The following WSB1 variants were observed in gnomAD, a reference collection of about 807,000 sequenced individuals.
WSB1 encodes WD repeat and SOCS box containing 1, also known as WD repeat and SOCS box-containing protein 1.
Under a neutral mutation model 50.2 loss-of-function variants are expected in WSB1, and 23 were observed. That is an observed-to-expected ratio of 0.46 (90% confidence interval 0.33 to 0.65). The LOEUF (loss-of-function observed/expected upper bound fraction) is 0.65, where lower values mean the gene tolerates loss of function less well. WSB1 is among the 30% of genes least tolerant of loss of function. The pLI, the probability that WSB1 is intolerant of heterozygous loss-of-function variation, is 0.02. For missense variants in WSB1, 492 were observed against 522.3 expected (o/e 0.94, Z 0.56); for synonymous variants, 179 against 172.0 (o/e 1.04, Z -0.32).
chr17:27,303,649 G>C lies in WSB1; in HGVS notation c.478+14G>C, dbSNP rs1387540757. 1 of 1,608,164 alleles carries C rather than the reference G, an allele frequency of 6.2e-7. No homozygotes were observed. Among genetic ancestry groups the C allele is most frequent in the Non-Finnish European group, 8.5e-7 (1 of 1,175,896 alleles). On this transcript the variant is annotated intron_variant, in intron 3 of 8. Transcript: ENST00000262394. The stretch of plus-strand genomic sequence containing the variant: ...ATGTATATACAGGTATGGATTCATA[G>C]TTTTTAAAGCAAATGTATTATTTTA...
At chr17:27,301,718 T>TAA (rs1186711339) in intron 1 of WSB1, 70 bp from the exon 2 acceptor site, 1 of 1,530,904 alleles carries the variant, frequency 6.5e-7, no homozygotes, top group Non-Finnish European at 9.0e-7. Context: ...AATCCCAAAG[T>TAA]AATATGGAAG....
chr17:27,303,570 A>G lies in WSB1; in HGVS notation c.413A>G (p.Gln138Arg). 1 of 1,614,208 alleles carries G rather than the reference A, an allele frequency of 6.2e-7. No individual in the cohort carries two copies. Among genetic ancestry groups the G allele is most frequent in the Non-Finnish European group, 8.5e-7 (1 of 1,180,018 alleles). The change falls in exon 3 of 9, where the codon CAA (glutamine) becomes CGA (arginine). Residue 138 changes from glutamine to arginine, a missense_variant. Physicochemically the swap from Gln to Arg is conservative, Grantham distance 43. Coordinates refer to ENST00000262394, the MANE Select transcript of WSB1 (RefSeq NM_015626.10). ...NIEWHRFRFG[Q>R]DQLLLATGLN... ...GAATGGCATCGCTTCAGATTTGGAC[A>G]AGATCAGCTACTTCTTGCTACAGGG...
intron 1 of WSB1, among the ~76,000 whole-genome samples, chr17:27,298,126 GAAAAAA>G (rs35222722): frequency 4.0e-5 from 3 of 74,218 alleles, no homozygotes; most frequent in Non-Finnish European, 7.4e-5. Flanking sequence ...CTCCGTCTCA[GAAAAAA>G]AAAAAAAAAA....
chr17:27,304,824 G>T lies in WSB1; in HGVS notation c.523G>T (p.Asp175Tyr), dbSNP rs1425273430. 4.3e-6 allele frequency: 7 copies of T among 1,613,928 alleles called. No individual in the cohort carries two copies. Among genetic ancestry groups the T allele is most frequent in the Non-Finnish European group, 5.9e-6 (7 of 1,180,000 alleles). Residue 175 changes from aspartate (D) to tyrosine (Y), a missense_variant, in exon 4 of 9, where the codon GAT (aspartate) becomes TAT (tyrosine). Asp to Tyr is a radical substitution (Grantham distance 160). Transcript: ENST00000262394. ...NLVDHTEVVR[D>Y]LTFAPDGSLI... ...GGTAGATCATACTGAAGTGGTCAGA[G>T]ATTTAACTTTTGCTCCAGATGGAAG...
At position 27,304,535 on chromosome 17, in the gene WSB1, C is replaced by CAAAAAAAAAAAAA. The variant is rs10660665; in HGVS notation, c.479-228_479-216dup. 2.4e-3 allele frequency among the ~76,000 whole-genome samples: 92 copies of CAAAAAAAAAAAAA among 38,696 alleles called. 12 individuals carry two copies. Among genetic ancestry groups the CAAAAAAAAAAAAA allele is most frequent in the African/African-American group, 6.8e-3 (61 of 8,970 alleles). The allele number at this position is 38,696 out of a possible 152,430, so 25.4% of individuals were successfully genotyped here. A position where few individuals can be genotyped will look rare whatever the true frequency, so the allele number is the denominator to read the frequency against. ...GCAACATAGTGAGACTCCATCTCTC[C>CAAAAAAAAAAAAA]AAAAAAAAAAAAAAAAAAAAAAAAA... On this transcript the variant is annotated intron_variant, in intron 3 of 8. Transcript: ENST00000262394.
Position 27,309,135 on chromosome 17 carries a change from A to G in WSB1, c.747A>G (p.Ile249Met). Residue 249 changes from isoleucine (I) to methionine (M), a missense_variant, in exon 6 of 9, where the codon ATA becomes ATG. Physicochemically the swap from Ile to Met is conservative, Grantham distance 10 (BLOSUM62 1). Coordinates refer to ENST00000262394, the MANE Select transcript of WSB1 (RefSeq NM_015626.10). Reference sequence around the variant, plus strand: ...GGAATATGGATAAATACACCATGATACGGAAACTAGAAGGACATCACCATG... The same window carrying G: ...GGAATATGGATAAATACACCATGATGCGGAAACTAGAAGGACATCACCATG... ...FLWNMDKYTM[I>M]RKLEGHHHDV... 6.2e-7 allele frequency: 1 copy of G among 1,612,232 alleles called. No individual in the cohort carries two copies. The highest frequency in any genetic ancestry group is 8.5e-7 in the Non-Finnish European group (1 of 1,179,194).
chr17:27,298,267 C>T (rs1489125237), intron 1 of WSB1, among the ~76,000 whole-genome samples: 1 of 151,666 alleles, frequency 6.6e-6, no homozygotes, highest in Non-Finnish European at 1.5e-5. Flanking sequence ...ATACAAGTTA[C>T]ATAAATATTC....
chr17:27,307,550 GA>G (rs1205183614), intron 5 of WSB1: 1 of 576,734 alleles, frequency 1.7e-6, no homozygotes, highest in Admixed American at 3.5e-5. Context: ...TGAATTAATG[GA>G]GGGTGGGAGG....
At chr17:27,302,133 G>A (rs1276771790) in intron 2 of WSB1, 177 bp downstream of exon 2, 17 of 815,200 alleles carry the variant, frequency 2.1e-5, no homozygotes, top group South Asian at 1.4e-4. Flanking sequence ...TCTTTGGGCC[G>A]GGCGCGGCGG....
Position 27,303,456 on chromosome 17 carries a change from G to A in WSB1, c.299G>A (p.Arg100His), listed in dbSNP as rs765152444. ...NSDGGQKNKPREHIIDCGDIV... is the reference protein window; with the variant it reads ...NSDGGQKNKPHEHIIDCGDIV... ...GATGGTGGTCAGAAAAATAAGCCTC[G>A]TGAACATATTATAGACTGTGGAGAT... Residue 100 changes from arginine (R) to histidine (H), a missense_variant, in exon 3 of 9, where the codon CGT becomes CAT. By Grantham distance (29) the Arg-to-His change is conservative. Transcript: ENST00000262394. 8.1e-6 allele frequency: 13 copies of A among 1,613,914 alleles called. No homozygotes were observed. The South Asian group carries it at 8.8e-5, about 11-fold the overall frequency.
chr17:27,301,639 A>G (rs1237994758), intron 1 of WSB1, 149 bp from the exon 2 acceptor site: 18 of 678,208 alleles, frequency 2.7e-5, no homozygotes, highest in Non-Finnish European at 4.3e-5. Context: ...CATATACTGC[A>G]TACCCCCCGT....
intron 1 of WSB1, among the ~76,000 whole-genome samples, chr17:27,298,669 G>C (rs1279316220): frequency 6.6e-6 from 1 of 151,968 alleles, no homozygotes; most frequent in Non-Finnish European, 1.5e-5. Context: ...TGGCCAACAT[G>C]GTGAAACCCC....
rs1284003256 is a variant in WSB1 at position 27,315,770 on chromosome 17, CAA to C, written c.*3403_*3404del. On this transcript the variant is annotated 3_prime_UTR_variant, in exon 9 of 9. Transcript: ENST00000262394. The stretch of plus-strand genomic sequence containing the variant: ...ACTAGCAAGTGTGTGGACTATAAAA[CAA>C]ATATCTAGAGTTATATATGGATGTA... The C allele has an allele frequency of 6.6e-6, 1 of 152,184 alleles. No homozygotes were observed. Among genetic ancestry groups the C allele is most frequent in the East Asian group, 1.9e-4 (1 of 5,200 alleles). 9.4% of individuals were successfully genotyped at this position (152,184 alleles called of 1,614,324 possible).
chr17:27,299,017 A>G (rs757825405), intron 1 of WSB1, among the ~76,000 whole-genome samples: 3 of 152,138 alleles, frequency 2.0e-5, no homozygotes, highest in Non-Finnish European at 4.4e-5. Flanking sequence ...AGCCTTGGCA[A>G]CAGAGCAAGA....
intron 5 of WSB1, chr17:27,307,216 C>G (rs1333454464): frequency 4.6e-6 from 1 of 216,262 alleles, no homozygotes; most frequent in African/African-American, 2.4e-5. Flanking sequence ...CTCTGTTGTT[C>G]TATTTTTTTG....
intron 3 of WSB1, 91 bp downstream of exon 3, chr17:27,303,726 C>A: frequency 6.8e-7 from 1 of 1,480,496 alleles, no homozygotes; most frequent in Non-Finnish European, 9.1e-7. Context: ...AGGATTTCAG[C>A]TTACTGAAAA....
At position 27,314,691 on chromosome 17, in the gene WSB1, A is replaced by C. The variant is rs2017796758; in HGVS notation, c.*2322A>C. On this transcript the variant is annotated 3_prime_UTR_variant, in exon 9 of 9. Coordinates refer to ENST00000262394, the MANE Select transcript of WSB1 (RefSeq NM_015626.10). Reference sequence around the variant, plus strand: ...TTATTTTTTATTTTTTTTGAGACGGAGTCTCACACTGTCACCTGGGCTGGA... The same window carrying C: ...TTATTTTTTATTTTTTTTGAGACGGCGTCTCACACTGTCACCTGGGCTGGA... 6.6e-6 allele frequency: 1 copy of C among 151,580 alleles called. No individual in the cohort carries two copies. Among genetic ancestry groups the C allele is most frequent in the African/African-American group, 2.4e-5 (1 of 41,226 alleles). The allele number at this position is 151,580 out of a possible 1,614,324, so 9.4% of individuals were successfully genotyped here. A position where few individuals can be genotyped will look rare whatever the true frequency, so the allele number is the denominator to read the frequency against.
At chr17:27,300,170 T>TGGGTGTGTGTGGGGGGTGGGGGA (rs2017168109) in intron 1 of WSB1, among the ~76,000 whole-genome samples, 2 of 112,186 alleles carry the variant, frequency 1.8e-5, no homozygotes, top group South Asian at 3.1e-4. Context: ...ATTTTGGGGG[T>TGGGTGTGTGTGGGGGGTGGGGGA]GGGTGTGTCC....
intron 5 of WSB1, 161 bp from the exon 6 acceptor site, chr17:27,308,939 T>C: frequency 4.8e-6 from 6 of 1,238,074 alleles, no homozygotes; most frequent in Non-Finnish European, 6.1e-6. Flanking sequence ...ACTTAAAGAC[T>C]GATTTTAATC....
Sources: allele counts gnomAD v4.1 joint callset (sites outside exome capture counted in the v4.1 genomes callset), GRCh38; gene constraint gnomAD v4.1.1; transcripts MANE v1.5; gene names NCBI Gene and HGNC (gene_info 2026-07-23, HGNC 2026-07-21).